Variants in ELFN2 observed in about 807,000 individuals in gnomAD.
ELFN2 encodes the protein extracellular leucine rich repeat and fibronectin type III domain containing 2.
ELFN2 carries 17 observed loss-of-function variants against 45.5 expected under a neutral mutation model. The observed-to-expected ratio is 0.37, with a 90% confidence interval of 0.26 to 0.56. ELFN2 has a LOEUF of 0.56. Among genes scored for constraint, ELFN2 ranks in the 20% least tolerant of loss-of-function variants. The pLI, the probability that ELFN2 is intolerant of heterozygous loss-of-function variation, is 0.77. For synonymous variants in ELFN2, 550 were observed against 551.5 expected (o/e 1.00, Z 0.04); for missense variants, 922 against 1,183.2 (o/e 0.78, Z 3.24).
At chr22:37,383,126 G>A (rs563844825) in intron 2 of ELFN2, among the ~76,000 whole-genome samples, 1 of 152,284 alleles carries the variant, frequency 6.6e-6, no homozygotes, top group Non-Finnish European at 1.5e-5. Context: ...CATGCTTGCT[G>A]TCAAGGTCCC....
rs865864412 is a variant in ELFN2 at position 37,417,026 on chromosome 22, G to A, written c.-463+743C>T. 3.3e-5 allele frequency among the ~76,000 whole-genome samples: 5 copies of A among 151,410 alleles called. No homozygotes were observed. The highest frequency in any genetic ancestry group is 1.9e-4 in the East Asian group (1 of 5,132). On this transcript the variant is annotated intron_variant, in intron 2 of 2. Coordinates refer to ENST00000402918, the MANE Select transcript of ELFN2 (RefSeq NM_052906.5). The surrounding 1 kb of genome is among the most constrained non-coding windows in gnomAD (Gnocchi z 4.5). ...ACGGAGACCACAATGCCACAGAGGC[G>A]GCTCCCTCACCACGGCAACCACCGT...
intron 2 of ELFN2, among the ~76,000 whole-genome samples, chr22:37,408,024 C>G (rs1932550397): frequency 6.6e-6 from 1 of 152,222 alleles, no homozygotes; most frequent in South Asian, 2.1e-4. Flanking sequence ...AGCGCGGGAG[C>G]TGGATGAGAT....
intron 2 of ELFN2, among the ~76,000 whole-genome samples, chr22:37,385,773 C>A (rs1931931400): frequency 2.0e-5 from 3 of 152,216 alleles, no homozygotes; most frequent in African/African-American, 7.2e-5. Flanking sequence ...GAGCCCCCCT[C>A]CCCTATCCTC....
At chr22:37,392,379 G>A (rs767689453) in intron 2 of ELFN2, among the ~76,000 whole-genome samples, 13 of 149,232 alleles carry the variant, frequency 8.7e-5, no homozygotes, top group South Asian at 2.1e-4. Flanking sequence ...GTGCAGTGGC[G>A]CAATCTGGGC....
intron 2 of ELFN2, among the ~76,000 whole-genome samples, chr22:37,416,726 C>T (rs1188521350): frequency 1.3e-5 from 2 of 152,044 alleles, no homozygotes; most frequent in African/African-American, 2.4e-5. Flanking sequence ...CACCAAGAAC[C>T]CCCACTTCAG....
downstream of ELFN2, among the ~76,000 whole-genome samples, chr22:37,365,653 C>A (rs932054711): frequency 6.6e-6 from 1 of 152,228 alleles, no homozygotes; most frequent in African/African-American, 2.4e-5. Context: ...TGACACAGAA[C>A]GTGCCAAAGT....
intron 1 of ELFN2, among the ~76,000 whole-genome samples, chr22:37,362,680 C>T (rs2145623166): frequency 6.6e-6 from 1 of 152,302 alleles, no homozygotes; most frequent in Non-Finnish European, 1.5e-5. Context: ...GTATGCTGTG[C>T]TTGCTTGGGC....
At chr22:37,347,946 C>T (rs778036076) in intron 1 of ELFN2, among the ~76,000 whole-genome samples, 26 of 152,306 alleles carry the variant, frequency 1.7e-4, no homozygotes, top group African/African-American at 5.5e-4. Flanking sequence ...CTGGGGAGCT[C>T]GCGCCCACCT....
At chr22:37,389,534 T>C (rs898881006) in intron 2 of ELFN2, among the ~76,000 whole-genome samples, 7 of 152,032 alleles carry the variant, frequency 4.6e-5, no homozygotes, top group Non-Finnish European at 8.8e-5. Context: ...GTGACCCCCC[T>C]GCTATGCCCC....
At chr22:37,348,014 A>G (rs745946604) in intron 1 of ELFN2, among the ~76,000 whole-genome samples, 5 of 151,878 alleles carry the variant, frequency 3.3e-5, no homozygotes, top group Non-Finnish European at 7.4e-5. Context: ...GCTGAACTCT[A>G]CCCCTGGGGA....
At chr22:37,399,015 G>A (rs559008497) in intron 2 of ELFN2, among the ~76,000 whole-genome samples, 48 of 152,200 alleles carry the variant, frequency 3.2e-4, no homozygotes, top group African/African-American at 1.1e-3. Context: ...GCTGCTGGAA[G>A]ACACAGCGTC....
intron 2 of ELFN2, among the ~76,000 whole-genome samples, chr22:37,416,841 C>T (rs1172181283): frequency 6.6e-6 from 1 of 152,168 alleles, no homozygotes; most frequent in African/African-American, 2.4e-5. Context: ...CTTCAGGGCA[C>T]CCATCACTAC....
In ELFN2 at chr22:37,419,886, TGTGCCCC is replaced by T. The variant is rs1174539798; in HGVS notation, c.-613-1974_-613-1968del. Among the ~76,000 whole-genome samples, 4 of 152,182 alleles carry T rather than the reference TGTGCCCC, an allele frequency of 2.6e-5. No homozygotes were observed. In the East Asian group the frequency reaches 7.8e-4, roughly 30 times the overall value. On this transcript the variant is annotated intron_variant, in intron 1 of 2. Coordinates refer to ENST00000402918, the MANE Select transcript of ELFN2 (RefSeq NM_052906.5). ...CCGGGTCCTGGCTCCGGTCGCCCCC[TGTGCCCC>T]TGCCCAGCGCGGCCCGCCCCGCCGC...
intron 1 of ELFN2, among the ~76,000 whole-genome samples, chr22:37,422,379 C>T (rs133728): frequency 0.35 from 53,351 of 151,592 alleles, 9,861 homozygotes; most frequent in Non-Finnish European, 0.41. Context: ...GTTAAGAATT[C>T]GTTTTTTTTG....
chr22:37,405,602 G>A (rs1344974939), intron 2 of ELFN2, among the ~76,000 whole-genome samples: 1 of 152,016 alleles, frequency 6.6e-6, no homozygotes, highest in Admixed American at 6.6e-5. Context: ...GCTGATGCCC[G>A]AATAAGAAAC....
chr22:37,378,482 C>G (rs973432496), intron 2 of ELFN2, among the ~76,000 whole-genome samples: 6 of 152,220 alleles, frequency 3.9e-5, no homozygotes, highest in Admixed American at 1.3e-4. Context: ...CGTGGAGGGG[C>G]ATGGGAGAAG....
At chr22:37,351,640 GGGCTGGGACTCGA>G (rs1308099735) in intron 1 of ELFN2, among the ~76,000 whole-genome samples, 5 of 149,972 alleles carry the variant, frequency 3.3e-5, no homozygotes, top group Non-Finnish European at 7.5e-5. Context: ...AAAGAGCACT[GGGCTGGGACTCGA>G]GACCTGCGTG....
chr22:37,393,394 T>C (rs1220772275), intron 2 of ELFN2, among the ~76,000 whole-genome samples: 1 of 152,238 alleles, frequency 6.6e-6, no homozygotes, highest in Non-Finnish European at 1.5e-5. Context: ...GTCCTGGCAC[T>C]GGCCCATCAT....
intron 2 of ELFN2, among the ~76,000 whole-genome samples, chr22:37,406,293 C>T (rs967377062): frequency 3.3e-5 from 5 of 152,220 alleles, no homozygotes; most frequent in African/African-American, 9.7e-5. Flanking sequence ...CAGTTACGAT[C>T]GGTGATTGGA....
Sources: allele counts gnomAD v4.1 joint callset (sites outside exome capture counted in the v4.1 genomes callset), GRCh38; gene constraint gnomAD v4.1.1; non-coding constraint Gnocchi (gnomAD v3.1); transcripts MANE v1.5; gene names NCBI Gene and HGNC (gene_info 2026-07-23, HGNC 2026-07-21).